Variants in METTL8 observed in about 807,000 individuals in gnomAD.
The protein encoded by METTL8 is tRNA N(3)-cytidine methyltransferase METTL8, mitochondrial.
METTL8 carries 32 observed loss-of-function variants against 48.7 expected under a neutral mutation model. The observed-to-expected ratio is 0.66, with a 90% CI of 0.50 to 0.88. The LOEUF (loss-of-function observed/expected upper bound fraction) is 0.88. Among genes scored for constraint, METTL8 ranks in the 40% least tolerant of loss-of-function variants. The probability of loss-of-function intolerance (pLI) is 0.00; values close to 1 mark genes in which losing one functional copy is unlikely to be tolerated. For synonymous variants in METTL8, 136 were observed against 157.1 expected, an observed-to-expected ratio of 0.87 and a Z score of 1.01; for missense variants, 464 against 474.4, an observed-to-expected ratio of 0.98 and a Z score of 0.20.
At chr2:171,369,154 A>G (rs571307121) in intron 2 of METTL8, among the ~76,000 whole-genome samples, 24 of 151,546 alleles carry the variant, frequency 1.6e-4, no homozygotes, top group Non-Finnish European at 3.1e-4. Flanking sequence ...AAAATACAAA[A>G]AATTAGCCGG....
intron 2 of METTL8, among the ~76,000 whole-genome samples, chr2:171,368,032 C>T (rs1480700016): frequency 6.6e-6 from 1 of 152,176 alleles, no homozygotes; most frequent in Non-Finnish European, 1.5e-5. Context: ...TGAAAGAAGG[C>T]AGTGGCACCA....
chr2:171,376,218 C>G (rs1011621992), intron 2 of METTL8, among the ~76,000 whole-genome samples: 1 of 152,148 alleles, frequency 6.6e-6, no homozygotes, highest in Non-Finnish European at 1.5e-5. Context: ...CATCTTTATT[C>G]ATGCTACCAC....
chr2:171,429,061 C>T (rs900632412), intron 1 of METTL8, among the ~76,000 whole-genome samples: 3 of 151,778 alleles, frequency 2.0e-5, no homozygotes, highest in African/African-American at 7.3e-5. Flanking sequence ...GTACACATAT[C>T]TTCAAGGCTA....
chr2:171,358,466 T>C (rs746093367), intron 3 of METTL8, among the ~76,000 whole-genome samples: 4 of 151,604 alleles, frequency 2.6e-5, no homozygotes, highest in Non-Finnish European at 4.4e-5. Flanking sequence ...AACAGACACA[T>C]TGACTGATGG....
intron 5 of METTL8, among the ~76,000 whole-genome samples, chr2:171,334,217 A>C (rs1012311755): frequency 6.6e-6 from 1 of 152,228 alleles, no homozygotes; most frequent in Admixed American, 6.5e-5. Context: ...CCACATACCC[A>C]TAAGATATAG....
At chr2:171,428,465 T>C (rs1259248410) in intron 1 of METTL8, among the ~76,000 whole-genome samples, 2 of 152,068 alleles carry the variant, frequency 1.3e-5, no homozygotes, top group East Asian at 3.9e-4. Context: ...GCACCAGCCT[T>C]TGAGATTTCT....
At position 171,409,185 on chromosome 2, in the gene METTL8, A is replaced by C. The variant is rs115718408; in HGVS notation, c.-12-16988T>G. On this transcript the variant is annotated intron_variant, in intron 1 of 9. Transcript: ENST00000375258. ...TGAAGTTGAGATTAAGTCTGTTGTC[A>C]GTTCATGATTTTTTAGGGAAAGTCA... Among the ~76,000 whole-genome samples the C allele has an allele frequency of 4.9e-3, 744 of 152,360 alleles. 5 individuals carry two copies. Among genetic ancestry groups the C allele is most frequent in the Non-Finnish European group, 8.6e-3 (587 of 68,030 alleles).
At chr2:171,410,795 C>G (rs989593115) in intron 1 of METTL8, among the ~76,000 whole-genome samples, 1 of 152,186 alleles carries the variant, frequency 6.6e-6, no homozygotes, top group Non-Finnish European at 1.5e-5. Context: ...GAATAATACT[C>G]ATTAAGATAC....
intron 2 of METTL8, among the ~76,000 whole-genome samples, chr2:171,379,013 A>G (rs560902050): frequency 1.3e-4 from 20 of 152,214 alleles, no homozygotes; most frequent in Non-Finnish European, 2.2e-4. Flanking sequence ...TGGAAATACA[A>G]CATTCCTCAG....
chr2:171,381,314 C>T (rs1476182785), intron 2 of METTL8, among the ~76,000 whole-genome samples: 3 of 152,222 alleles, frequency 2.0e-5, no homozygotes, highest in African/African-American at 7.2e-5. Context: ...TAGAAGAAAA[C>T]CTAGGCAATA....
chr2:171,401,664 G>A (rs1689652891), intron 1 of METTL8, among the ~76,000 whole-genome samples: 1 of 152,104 alleles, frequency 6.6e-6, no homozygotes, highest in Non-Finnish European at 1.5e-5. Flanking sequence ...CAAAATATCT[G>A]AACTATTCTT....
At chr2:171,382,737 GA>G (rs928889236) in intron 2 of METTL8, among the ~76,000 whole-genome samples, 9 of 151,796 alleles carry the variant, frequency 5.9e-5, no homozygotes, top group South Asian at 2.1e-4. Context: ...AAAAAAGAAA[GA>G]AAAAAAGAAA....
chr2:171,395,707 C>T (rs12616940), intron 1 of METTL8, among the ~76,000 whole-genome samples: 44,324 of 152,082 alleles, frequency 0.29, 7,439 homozygotes, highest in East Asian at 0.63. Context: ...AAAGACAGAA[C>T]TTTCTAAAAG....
At chr2:171,421,096 C>A (rs141952170) in intron 1 of METTL8, among the ~76,000 whole-genome samples, 202 of 152,238 alleles carry the variant, frequency 1.3e-3, no homozygotes, top group African/African-American at 4.7e-3. Flanking sequence ...GAGGAAGTAA[C>A]AAACTGTCAC....
At chr2:171,340,198 CA>C (rs35343261) in intron 3 of METTL8, among the ~76,000 whole-genome samples, 123,095 of 127,452 alleles carry the variant, frequency 0.97, 59,492 homozygotes, top group South Asian at 1. Flanking sequence ...AACTCTGTCT[CA>C]AAAAAAAAAA....
intron 1 of METTL8, among the ~76,000 whole-genome samples, chr2:171,411,758 A>C (rs190314096): frequency 1.3e-5 from 2 of 152,338 alleles, no homozygotes; most frequent in East Asian, 3.9e-4. Context: ...TGGGGTAAAA[A>C]AGACTCTTAA....
chr2:171,418,630 AATT>A (rs1400634058), intron 1 of METTL8, among the ~76,000 whole-genome samples: 4 of 151,960 alleles, frequency 2.6e-5, no homozygotes, highest in Admixed American at 6.6e-5. Flanking sequence ...TTGCTGCTCA[AATT>A]ATTTTGAGCT....
upstream of METTL8, chr2:171,434,408 C>G: frequency 8.3e-6 from 10 of 1,199,792 alleles, no homozygotes; most frequent in Non-Finnish European, 1.2e-5. Context: ...TCTGCTTTCC[C>G]TCGCCCCGCC....
intron 5 of METTL8, 83 bp downstream of exon 5, chr2:171,337,370 T>A: frequency 5.1e-6 from 5 of 987,288 alleles, no homozygotes; most frequent in Non-Finnish European, 7.6e-6. Flanking sequence ...ACTACTGGCA[T>A]ACACGTGACA....
Sources: allele counts gnomAD v4.1 joint callset (sites outside exome capture counted in the v4.1 genomes callset), GRCh38; gene constraint gnomAD v4.1.1; transcripts MANE v1.5; gene names NCBI Gene and HGNC (gene_info 2026-07-23, HGNC 2026-07-21).